The following FRMD6 variants were observed in gnomAD, a reference collection of about 807,000 sequenced individuals.
FRMD6 encodes the protein FERM domain containing 6, also known as FERM domain-containing protein 6.
FRMD6 carries 37 observed loss-of-function variants against 73.2 expected under a neutral mutation model. The ratio of observed to expected loss-of-function variants is 0.51; its 90% CI spans 0.39 to 0.66. FRMD6 has a LOEUF of 0.66. FRMD6 is among the 30% of genes least tolerant of loss of function. The pLI is 0.00. For missense variants in FRMD6, 714 were observed against 780.5 expected (o/e 0.91, Z 1.02); for synonymous variants, 273 against 282.2 (o/e 0.97, Z 0.33).
chr14:51,640,611 A>C (rs1329130851), intron 2 of FRMD6, among the ~76,000 whole-genome samples: 2 of 152,228 alleles, frequency 1.3e-5, no homozygotes, highest in Non-Finnish European at 2.9e-5. Flanking sequence ...TGTCTTCATG[A>C]GAATTTGAGT....
intron 2 of FRMD6, among the ~76,000 whole-genome samples, chr14:51,638,996 GTT>G (rs3060634): frequency 0.73 from 110,529 of 151,668 alleles, 40,928 homozygotes; most frequent in Non-Finnish European, 0.8. Flanking sequence ...CTGATACATA[GTT>G]TTTGCTGTCC....
chr14:51,515,612 T>C (rs923088616), intron 1 of FRMD6, among the ~76,000 whole-genome samples: 5 of 152,198 alleles, frequency 3.3e-5, no homozygotes, highest in Non-Finnish European at 7.3e-5. Context: ...ATAGGTTTCC[T>C]CTTCCTGCTA....
chr14:51,693,030 C>T (rs988974739), intron 2 of FRMD6, among the ~76,000 whole-genome samples: 2 of 152,146 alleles, frequency 1.3e-5, no homozygotes, highest in East Asian at 1.9e-4. Flanking sequence ...CTAGTGGGTA[C>T]TGAATTTGTA....
At chr14:51,405,694 T>C in the FRMD6 span, among the ~76,000 whole-genome samples, 4 of 152,174 alleles carry the variant, frequency 2.6e-5, no homozygotes, top group East Asian at 7.7e-4. Flanking sequence ...TGTTTTCTCT[T>C]GTATATTTGT....
chr14:51,654,161 T>C (rs1178705014), intron 1 of FRMD6, among the ~76,000 whole-genome samples: 1 of 152,180 alleles, frequency 6.6e-6, no homozygotes, highest in Non-Finnish European at 1.5e-5. Context: ...TTTAAGATGC[T>C]CCTGGCTGTA....
chr14:51,451,998 C>T, the FRMD6 span, among the ~76,000 whole-genome samples: 1 of 152,128 alleles, frequency 6.6e-6, no homozygotes, highest in African/African-American at 2.4e-5. Flanking sequence ...CAATGGGATG[C>T]CCATGGAATG....
At chr14:51,707,646 C>A (rs959744107) in intron 6 of FRMD6, among the ~76,000 whole-genome samples, 16 of 152,118 alleles carry the variant, frequency 1.1e-4, no homozygotes, top group African/African-American at 3.6e-4. Context: ...TTAGAACCTC[C>A]CAGTCTGTGG....
chr14:51,703,481 A>T (rs1042172819), intron 5 of FRMD6, among the ~76,000 whole-genome samples: 9 of 152,052 alleles, frequency 5.9e-5, no homozygotes, highest in East Asian at 1.9e-4. Flanking sequence ...GATTTTTTTT[A>T]AAAAAGGCTA....
chr14:51,600,110 T>C (rs1012061423), intron 2 of FRMD6, among the ~76,000 whole-genome samples: 1 of 151,980 alleles, frequency 6.6e-6, no homozygotes, highest in Non-Finnish European at 1.5e-5. Context: ...TTTTTAAAAT[T>C]ACAGCACTCT....
At chr14:51,431,263 C>G in the FRMD6 span, among the ~76,000 whole-genome samples, 1 of 152,100 alleles carries the variant, frequency 6.6e-6, no homozygotes, top group Non-Finnish European at 1.5e-5. Context: ...AACTGGTCAC[C>G]CAAGCTGGAA....
the FRMD6 span, among the ~76,000 whole-genome samples, chr14:51,429,028 G>A: frequency 7.1e-6 from 1 of 140,056 alleles, no homozygotes. Context: ...GTGGGAGAGA[G>A]AGGGGAGAGA....
the FRMD6 span, among the ~76,000 whole-genome samples, chr14:51,417,512 G>A: frequency 1.3e-5 from 2 of 152,126 alleles, no homozygotes; most frequent in Admixed American, 1.3e-4. Context: ...AGTTTCTGCC[G>A]AGAGATCCGC....
chr14:51,473,107 C>A, the FRMD6 span, among the ~76,000 whole-genome samples: 181 of 152,280 alleles, frequency 1.2e-3, no homozygotes, highest in African/African-American at 4.2e-3. Context: ...AAAGTGAGAG[C>A]TGAGCTTCTG....
intron 5 of FRMD6, among the ~76,000 whole-genome samples, chr14:51,703,994 C>T (rs1034541058): frequency 1.3e-5 from 2 of 152,038 alleles, no homozygotes; most frequent in African/African-American, 2.4e-5. Context: ...CATTTCTTAA[C>T]GTATTTAATG....
intron 1 of FRMD6, among the ~76,000 whole-genome samples, chr14:51,564,070 A>C (rs1887640860): frequency 6.6e-6 from 1 of 152,174 alleles, no homozygotes; most frequent in East Asian, 1.9e-4. Context: ...AGCTCTGGTC[A>C]CTATTTATCC....
At chr14:51,438,948 C>T in the FRMD6 span, among the ~76,000 whole-genome samples, 1 of 152,190 alleles carries the variant, frequency 6.6e-6, no homozygotes, top group African/African-American at 2.4e-5. Flanking sequence ...ACTGTCCCAG[C>T]TCTCTGGTGT....
At chr14:51,412,565 G>A in the FRMD6 span, among the ~76,000 whole-genome samples, 5 of 152,072 alleles carry the variant, frequency 3.3e-5, no homozygotes, top group South Asian at 2.1e-4. Context: ...AAGATAACAC[G>A]GACAGGCCGG....
At chr14:51,501,357 C>T (rs912767348) in intron 1 of FRMD6, among the ~76,000 whole-genome samples, 6 of 152,254 alleles carry the variant, frequency 3.9e-5, no homozygotes, top group Admixed American at 2.6e-4. Flanking sequence ...CTTCCTGATG[C>T]TCTCCCTCCC....
intron 2 of FRMD6, among the ~76,000 whole-genome samples, chr14:51,593,223 T>G (rs1283109272): frequency 6.6e-6 from 1 of 152,176 alleles, no homozygotes; most frequent in Non-Finnish European, 1.5e-5. Flanking sequence ...AGGGACTCTA[T>G]AACACTGCCC....
Sources: allele counts gnomAD v4.1 joint callset (sites outside exome capture counted in the v4.1 genomes callset), GRCh38; gene constraint gnomAD v4.1.1; transcripts MANE v1.5; gene names NCBI Gene and HGNC (gene_info 2026-07-23, HGNC 2026-07-21).